SLC2A14: variants seen among roughly 807,000 people sequenced by gnomAD.
The protein encoded by SLC2A14 is solute carrier family 2, facilitated glucose transporter member 14.
In SLC2A14, 13 loss-of-function variants were observed where a neutral mutation model predicts 43.0. The observed-to-expected ratio is 0.30, with a 90% CI of 0.20 to 0.48. The LOEUF (loss-of-function observed/expected upper bound fraction) is 0.48. Among genes scored for constraint, SLC2A14 ranks in the 20% least tolerant of loss-of-function variants. SLC2A14 has a pLI of 0.99. For missense variants in SLC2A14, 428 were observed against 620.4 expected (o/e 0.69, Z 3.29); for synonymous variants, 190 against 233.8 (o/e 0.81, Z 1.71).
chr12:7,835,110 A>G (rs1865337114), intron 2 of SLC2A14, among the ~76,000 whole-genome samples: 1 of 152,090 alleles, frequency 6.6e-6, no homozygotes, highest in Non-Finnish European at 1.5e-5. Context: ...TAAAAAAAAA[A>G]AAAAAGAGGA....
At chr12:7,874,368 A>T (rs7309951), upstream of SLC2A14, among the ~76,000 whole-genome samples, 149,796 of 152,086 alleles carry the variant, frequency 0.98, 73,816 homozygotes, top group East Asian at 1. Context: ...GGCCTTTGCA[A>T]TCAGTATTTT....
chr12:7,829,740 A>G, intron 5 of SLC2A14, 26 bp downstream of exon 5: 1 of 1,613,326 alleles, frequency 6.2e-7, no homozygotes, highest in Non-Finnish European at 8.5e-7. Context: ...ACTAACACTC[A>G]TTAAGTATGA....
intron 7 of SLC2A14, among the ~76,000 whole-genome samples, chr12:7,823,104 C>T (rs1467068926): frequency 1.3e-5 from 2 of 152,058 alleles, no homozygotes; most frequent in African/African-American, 2.4e-5. Flanking sequence ...GGTTGCTGGC[C>T]GAGCACAGTG....
chr12:7,828,932 CA>C, intron 5 of SLC2A14, 66 bp from the exon 6 acceptor site: 5 of 1,569,414 alleles, frequency 3.2e-6, no homozygotes, highest in Non-Finnish European at 4.3e-6. Flanking sequence ...CATTGAAACA[CA>C]AAAAGTTGGC....
At chr12:7,828,604 G>A (rs982619027) in intron 6 of SLC2A14, 100 bp downstream of exon 6, 30 of 1,246,030 alleles carry the variant, frequency 2.4e-5, no homozygotes, top group Admixed American at 2.4e-4. Flanking sequence ...GGATTCTGAC[G>A]GGCAGGGAAA....
At chr12:7,879,547 G>C (rs1274816421) in intron 1 of SLC2A14, among the ~76,000 whole-genome samples, 8 of 152,054 alleles carry the variant, frequency 5.3e-5, no homozygotes, top group African/African-American at 1.9e-4. Context: ...AGCCAGGCAT[G>C]CTGACAGGTG....
chr12:7,826,432 T>C (rs1864361466), intron 7 of SLC2A14, among the ~76,000 whole-genome samples: 2 of 152,076 alleles, frequency 1.3e-5, no homozygotes, highest in African/African-American at 2.4e-5. Flanking sequence ...TCTGGTGTGT[T>C]AGGTAGGAGA....
At chr12:7,850,085 C>G (rs1866803948) in intron 2 of SLC2A14, among the ~76,000 whole-genome samples, 1 of 149,974 alleles carries the variant, frequency 6.7e-6, no homozygotes, top group Non-Finnish European at 1.5e-5. Context: ...TGGAAACACC[C>G]AGAAAGGCTT....
In SLC2A14 at chr12:7,827,525, C is replaced by G; in HGVS notation, c.834G>C (p.Gln278His). Residue 278 changes from glutamine to histidine, a missense_variant, in exon 7 of 11, where the codon CAG becomes CAC. Transcript: ENST00000431042. ...TGATCCCAGAGAGCTGCTGAGAGAG[C>G]TGGAGCACAATGGAAATGATGATGG... Reference protein sequence around the residue: ...RQPIIISIVLQLSQQLSGINA... With the variant: ...RQPIIISIVLHLSQQLSGINA... 6.2e-7 allele frequency: 1 copy of G among 1,612,456 alleles called. No homozygotes were observed. The highest frequency in any genetic ancestry group is 8.5e-7 in the Non-Finnish European group (1 of 1,179,732).
chr12:7,861,463 G>A (rs1426808473), intron 2 of SLC2A14, among the ~76,000 whole-genome samples: 1 of 152,002 alleles, frequency 6.6e-6, no homozygotes, highest in East Asian at 1.9e-4. Flanking sequence ...GTGCCCTTTT[G>A]GGAAAAAGCA....
At chr12:7,875,036 T>A (rs1293570211), upstream of SLC2A14, among the ~76,000 whole-genome samples, 4 of 113,102 alleles carry the variant, frequency 3.5e-5, no homozygotes, top group African/African-American at 1.1e-4. Context: ...AATACATATA[T>A]AAATATATAT....
chr12:7,884,047 C>T (rs1045236898), intron 1 of SLC2A14, among the ~76,000 whole-genome samples: 1 of 152,032 alleles, frequency 6.6e-6, no homozygotes, highest in Non-Finnish European at 1.5e-5. Context: ...CCTCAGCCTC[C>T]CAAGTAGCTG....
In SLC2A14 at chr12:7,828,794, C is replaced by T; in HGVS notation, c.586G>A (p.Ala196Thr). ...PVLLGFTILP[A>T]ILQSAALPCC... ...GGAAGGGCTGCACTTTGCAGGATAG[C>T]TGGAAGGATGGTAAAGCCTAATAGC... The change falls in exon 6 of 11, where the codon GCT (alanine) becomes ACT (threonine). Residue 196 changes from alanine to threonine, a missense_variant. Ala to Thr is a moderately conservative substitution (Grantham distance 58). Around this residue, in one of 4 missense-constraint regions of SLC2A14, gnomAD observed 185 missense variants for 275.4 expected, o/e 0.67. Coordinates refer to ENST00000431042, the MANE Select transcript of SLC2A14 (RefSeq NM_001286234.2). The T allele has an allele frequency of 1.2e-6, 2 of 1,614,164 alleles. No homozygotes were observed. Among genetic ancestry groups the T allele is most frequent in the South Asian group, 1.1e-5 (1 of 91,080 alleles).
upstream of SLC2A14, among the ~76,000 whole-genome samples, chr12:7,874,763 C>CGTATTTA (rs1945390307): frequency 3.0e-4 from 4 of 13,488 alleles, no homozygotes; most frequent in African/African-American, 9.8e-4. Flanking sequence ...ATTTATATAA[C>CGTATTTA]TATATAAACA....
intron 1 of SLC2A14, among the ~76,000 whole-genome samples, chr12:7,889,485 G>A (rs751750127): frequency 8.7e-5 from 13 of 149,372 alleles, no homozygotes; most frequent in Non-Finnish European, 1.6e-4. Flanking sequence ...ACACCACCTC[G>A]GCCTCCCAAA....
rs534117564 is a variant in SLC2A14 at position 7,869,190 on chromosome 12, AG to A, written c.18+672del. Among the ~76,000 whole-genome samples, 313 of 152,104 alleles carry A rather than the reference AG, an allele frequency of 2.1e-3. 3 individuals carry two copies. The highest frequency in any genetic ancestry group is 3.9e-3 in the Non-Finnish European group (267 of 67,982). On this transcript the variant is annotated intron_variant, in intron 2 of 10. Transcript: ENST00000431042. ...TGACTAAGTATGCTCTGCTTCTCTA[AG>A]TGTCACATTAAAATGTTCAGAAAAA...
rs764311728 is a variant in SLC2A14 at position 7,821,332 on chromosome 12, G to T, written c.865-7C>A. 5 of 1,608,566 alleles carry T rather than the reference G, an allele frequency of 3.1e-6. No homozygotes were observed. The highest frequency in any genetic ancestry group is 2.2e-5 in the South Asian group (2 of 90,966). On this transcript the variant is annotated splice_polypyrimidine_tract_variant and splice_region_variant and intron_variant, in intron 7 of 10. Coordinates refer to ENST00000431042, the MANE Select transcript of SLC2A14 (RefSeq NM_001286234.2). Reference sequence around the variant, plus strand: ...CTGTTGAGTAATAGAACACCTAGGAGAAAAGAAAACATGCAGCTTTGATAA... The same window carrying T: ...CTGTTGAGTAATAGAACACCTAGGATAAAAGAAAACATGCAGCTTTGATAA...
intron 2 of SLC2A14, among the ~76,000 whole-genome samples, chr12:7,844,813 G>C (rs960240923): frequency 3.3e-5 from 5 of 152,104 alleles, no homozygotes; most frequent in African/African-American, 1.2e-4. Flanking sequence ...TGGGATTACA[G>C]GTGTGAGCCA....
At chr12:7,873,105 G>A, upstream of SLC2A14, 1 of 985,504 alleles carries the variant, frequency 1.0e-6, no homozygotes, top group Non-Finnish European at 1.2e-6. Context: ...GTCCAGCCCC[G>A]GCGGCTGCTG....
Sources: allele counts gnomAD v4.1 joint callset (sites outside exome capture counted in the v4.1 genomes callset), GRCh38; gene constraint gnomAD v4.1.1; regional missense constraint gnomAD v4.1.1; transcripts MANE v1.5; gene names NCBI Gene and HGNC (gene_info 2026-07-23, HGNC 2026-07-21).